CNTN4: variants seen among roughly 807,000 people sequenced by gnomAD.
CNTN4 encodes the protein contactin-4.
In CNTN4, 77 loss-of-function variants were observed where a neutral mutation model predicts 122.5. The observed-to-expected ratio is 0.63, with a 90% CI of 0.52 to 0.76. CNTN4 has a LOEUF of 0.76. Among genes scored for constraint, CNTN4 ranks in the 30% least tolerant of loss-of-function variants. The pLI, the probability that CNTN4 is intolerant of heterozygous loss-of-function variation, is 0.00. For missense variants in CNTN4, 1,256 were observed against 1,259.1 expected, an observed-to-expected ratio of 1.00 and a Z score of 0.04; for synonymous variants, 512 against 447.0, an observed-to-expected ratio of 1.15 and a Z score of -1.83.
intron 4 of CNTN4, among the ~76,000 whole-genome samples, chr3:2,666,102 C>G (rs2084144854): frequency 6.6e-6 from 1 of 152,208 alleles, no homozygotes; most frequent in Non-Finnish European, 1.5e-5. Flanking sequence ...TGGTATCACA[C>G]CCAAGCTAGC....
chr3:2,944,026 T>A (rs968990707), intron 13 of CNTN4, among the ~76,000 whole-genome samples: 1 of 152,076 alleles, frequency 6.6e-6, no homozygotes, highest in African/African-American at 2.4e-5. Flanking sequence ...TGTAGTTCCA[T>A]AGTAAAAAAT....
intron 14 of CNTN4, among the ~76,000 whole-genome samples, chr3:3,001,764 T>C (rs1696070988): frequency 6.6e-6 from 1 of 152,162 alleles, no homozygotes; most frequent in Admixed American, 6.5e-5. Flanking sequence ...TAGATGCAAA[T>C]TGACCATGAT....
In CNTN4 at chr3:2,510,193, G is replaced by A. The variant is rs77898028; in HGVS notation, c.-88-61223G>A. Among the ~76,000 whole-genome samples the A allele has an allele frequency of 8.2e-3, 1,244 of 152,118 alleles. 11 individuals are homozygous for A. The highest frequency in any genetic ancestry group is 0.025 in the African/African-American group (1,036 of 41,512). Reference sequence around the variant, plus strand: ...AAAAGCATGACTTTATTTCACTCCCGTCACCCCAGTGCTATTACGAGGTGT... The same window carrying A: ...AAAAGCATGACTTTATTTCACTCCCATCACCCCAGTGCTATTACGAGGTGT... On this transcript the variant is annotated intron_variant, in intron 3 of 24. Coordinates refer to ENST00000418658, the MANE Select transcript of CNTN4 (RefSeq NM_175607.3).
intron 2 of CNTN4, among the ~76,000 whole-genome samples, chr3:2,186,390 T>C (rs528249708): frequency 1.2e-4 from 18 of 152,190 alleles, no homozygotes; most frequent in Non-Finnish European, 2.2e-4. Flanking sequence ...GCAATAAACA[T>C]ACGTGTGCAT....
chr3:3,040,364 A>G (rs910383398), intron 20 of CNTN4, 93 bp downstream of exon 20: 11 of 965,776 alleles, frequency 1.1e-5, no homozygotes, highest in Middle Eastern at 2.5e-4. Flanking sequence ...CGCATGGTAC[A>G]TGTATCTTGA....
At chr3:2,485,122 G>T (rs34781132) in intron 3 of CNTN4, among the ~76,000 whole-genome samples, 2 of 152,194 alleles carry the variant, frequency 1.3e-5, no homozygotes. Flanking sequence ...TCGAATTCCC[G>T]CCAGGCCTCA....
chr3:2,524,677 C>G (rs1559636532), intron 3 of CNTN4, among the ~76,000 whole-genome samples: 1 of 151,988 alleles, frequency 6.6e-6, no homozygotes, highest in African/African-American at 2.4e-5. Flanking sequence ...TAAATGTTCC[C>G]AACACTTTTT....
intron 3 of CNTN4, among the ~76,000 whole-genome samples, chr3:2,342,881 C>T (rs2044261041): frequency 6.6e-6 from 1 of 152,120 alleles, no homozygotes; most frequent in Admixed American, 6.5e-5. Flanking sequence ...ATAGGCAAAA[C>T]TATAGAGACA....
chr3:3,040,330 G>T, intron 20 of CNTN4, 59 bp downstream of exon 20: 1 of 1,304,708 alleles, frequency 7.7e-7, no homozygotes, highest in South Asian at 1.2e-5. Context: ...CTAAAATGTG[G>T]ATTGTAGCAC....
chr3:2,893,719 A>G (rs1326787774), intron 10 of CNTN4, among the ~76,000 whole-genome samples: 1 of 152,076 alleles, frequency 6.6e-6, no homozygotes, highest in Non-Finnish European at 1.5e-5. Context: ...AAGTCATCTC[A>G]CTCTATAGTC....
chr3:2,295,542 A>G (rs976966268), intron 2 of CNTN4, among the ~76,000 whole-genome samples: 2 of 151,342 alleles, frequency 1.3e-5, no homozygotes, highest in African/African-American at 2.4e-5. Context: ...TTTTTCTTGT[A>G]AATTTGTTTT....
Position 2,746,392 on chromosome 3 carries a change from A to G in CNTN4, c.358+695A>G, listed in dbSNP as rs140627256. Among the ~76,000 whole-genome samples, 745 of 152,340 alleles carry G rather than the reference A, an allele frequency of 4.9e-3. 2 individuals are homozygous for G. The highest frequency in any genetic ancestry group is 0.017 in the African/African-American group (702 of 41,594). On this transcript the variant is annotated intron_variant, in intron 6 of 24. Transcript: ENST00000418658. Reference sequence around the variant, plus strand: ...CGTGTCTTAAGACCACCATTTAACAAAAGTCCATGAATATATGAAAGAAAG... The same window carrying G: ...CGTGTCTTAAGACCACCATTTAACAGAAGTCCATGAATATATGAAAGAAAG...
intron 6 of CNTN4, among the ~76,000 whole-genome samples, chr3:2,789,738 T>C (rs2091950495): frequency 6.6e-6 from 1 of 152,236 alleles, no homozygotes; most frequent in Admixed American, 6.5e-5. Context: ...GCCTCGGATT[T>C]ATTTTGGTAG....
At position 2,841,126 on chromosome 3, in the gene CNTN4, A is replaced by C. The variant is rs915390179; in HGVS notation, c.454+21545A>C. On this transcript the variant is annotated intron_variant, in intron 7 of 24. Transcript: ENST00000418658. The surrounding 1 kb of genome is among the most constrained non-coding windows in gnomAD (Gnocchi z 4.8). ...ATCATTGGACTAGATTTCTCAGTGA[A>C]GATAATCTGAGGGTTAATGCTAACT... is the stretch of plus-strand genomic sequence containing the variant. Among the ~76,000 whole-genome samples the C allele has an allele frequency of 6.6e-6, 1 of 152,226 alleles. No individual in the cohort carries two copies. Among genetic ancestry groups the C allele is most frequent in the Non-Finnish European group, 1.5e-5 (1 of 68,042 alleles).
chr3:2,465,722 G>A (rs1356263358), intron 3 of CNTN4, among the ~76,000 whole-genome samples: 1 of 151,772 alleles, frequency 6.6e-6, no homozygotes, highest in Non-Finnish European at 1.5e-5. Flanking sequence ...AAAATAATTA[G>A]GATAGCAAAG....
chr3:2,522,374 G>A (rs991052216), intron 3 of CNTN4, among the ~76,000 whole-genome samples: 4 of 151,916 alleles, frequency 2.6e-5, no homozygotes, highest in African/African-American at 7.3e-5. Context: ...TCTAACAAAC[G>A]ATGTAGTCTT....
chr3:2,137,454 G>A (rs567926625), intron 2 of CNTN4, among the ~76,000 whole-genome samples: 53 of 152,068 alleles, frequency 3.5e-4, no homozygotes, highest in African/African-American at 1.3e-3. Flanking sequence ...AGGTTGGGAT[G>A]TCTTGTCTAT....
intron 4 of CNTN4, among the ~76,000 whole-genome samples, chr3:2,621,970 T>C (rs1412478442): frequency 6.6e-6 from 1 of 152,182 alleles, no homozygotes; most frequent in African/African-American, 2.4e-5. Context: ...CTCGGTGTGC[T>C]CTGCAGAACT....
intron 13 of CNTN4, among the ~76,000 whole-genome samples, chr3:2,943,182 A>G (rs2094633633): frequency 6.9e-6 from 1 of 144,020 alleles, no homozygotes; most frequent in South Asian, 2.3e-4. Flanking sequence ...CAGGAGAATC[A>G]TTTAGCTCAC....
Sources: gnomAD v4.1 joint callset for allele counts (sites outside exome capture counted in the v4.1 genomes callset) on GRCh38, gnomAD v4.1.1 for gene constraint, Gnocchi (gnomAD v3.1) non-coding constraint, MANE v1.5 for transcripts, NCBI Gene and HGNC (gene_info 2026-07-23, HGNC 2026-07-21) for gene names.